The following COL14A1 variants were observed in gnomAD, a reference collection of about 807,000 sequenced individuals.
The protein encoded by COL14A1 is collagen alpha-1(XIV) chain.
In COL14A1, 136 loss-of-function variants were observed where a neutral mutation model predicts 230.3. That is an observed-to-expected ratio of 0.59 (90% CI 0.51 to 0.68). The LOEUF (loss-of-function observed/expected upper bound fraction) is 0.68. Among genes scored for constraint, COL14A1 ranks in the 30% least tolerant of loss-of-function variants. The pLI, the probability that COL14A1 is intolerant of heterozygous loss-of-function variation, is 0.00. For synonymous variants in COL14A1, 792 were observed against 784.1 expected, an observed-to-expected ratio of 1.01 and a Z score of -0.17; for missense variants, 1,976 against 2,215.8, an observed-to-expected ratio of 0.89 and a Z score of 2.17.
rs182035194 is a variant in COL14A1 at position 120,310,047 on chromosome 8, T to A, written c.4440T>A (p.Gly1480=). ...TCCGAGGACCAAAGGGCCAGCAAGG[T>A]GAACCGGGTCCAAAGGTAATGCGCA... ...PGLRGPKGQQ[G]EPGPKGPDGP... Residue 1480 remains glycine, a synonymous_variant, in exon 37 of 48, where the codon GGT becomes GGA. Transcript: ENST00000297848. The A allele has an allele frequency of 3.1e-6, 5 of 1,613,434 alleles. No individual in the cohort carries two copies. In the South Asian group the frequency reaches 5.5e-5, roughly 18 times the overall value.
chr8:120,164,780 A>G (rs915656177), intron 4 of COL14A1, among the ~76,000 whole-genome samples: 1 of 152,216 alleles, frequency 6.6e-6, no homozygotes, highest in African/African-American at 2.4e-5. Context: ...TCTGGCCTCC[A>G]ACATTCCTGC....
intron 26 of COL14A1, among the ~76,000 whole-genome samples, chr8:120,273,052 G>A (rs1185751592): frequency 6.6e-6 from 1 of 151,614 alleles, no homozygotes; most frequent in Non-Finnish European, 1.5e-5. Flanking sequence ...CACAAAACAA[G>A]TCTCAATAAA....
chr8:120,332,165 T>C lies in COL14A1; in HGVS notation c.4684T>C (p.Ser1562Pro). ...QRGLPGKDGS[S>P]GPPGPPGPIG... ...GGGCCTTCCGGGAAAGGATGGATCC[T>C]CGGGACCTCCAGGACCACCAGGGCC... The change falls in exon 41 of 48, where the codon TCG becomes CCG. Residue 1562 changes from serine to proline, a missense_variant. Ser to Pro is a moderately conservative substitution (Grantham distance 74). This residue lies in a region of COL14A1 where 1,791 missense variants were observed against 2,019.5 expected (regional missense o/e 0.89). Transcript: ENST00000297848. 6.2e-7 allele frequency: 1 copy of C among 1,614,100 alleles called. No homozygotes were observed. The highest frequency in any genetic ancestry group is 8.5e-7 in the Non-Finnish European group (1 of 1,179,980).
At chr8:120,225,571 T>C (rs926940993) in intron 15 of COL14A1, among the ~76,000 whole-genome samples, 7 of 152,174 alleles carry the variant, frequency 4.6e-5, no homozygotes, top group Non-Finnish European at 8.8e-5. Context: ...TTTCCAAAAT[T>C]GCTGATCTCC....
At chr8:120,179,464 T>C (rs2130632122) in intron 5 of COL14A1, among the ~76,000 whole-genome samples, 1 of 152,228 alleles carries the variant, frequency 6.6e-6, no homozygotes, top group East Asian at 1.9e-4. Context: ...ATAAAATACT[T>C]AGGAATACAA....
chr8:120,278,734 C>T (rs1215010083), intron 28 of COL14A1, among the ~76,000 whole-genome samples, 156 bp downstream of exon 28: 1 of 152,028 alleles, frequency 6.6e-6, no homozygotes, highest in East Asian at 1.9e-4. Flanking sequence ...TTCTGGTATA[C>T]AAATCTGTAA....
intron 3 of COL14A1, among the ~76,000 whole-genome samples, chr8:120,160,487 C>T (rs376689047): frequency 2.0e-5 from 3 of 152,166 alleles, no homozygotes; most frequent in Non-Finnish European, 1.5e-5. Flanking sequence ...CTGAATGCTT[C>T]AATCCTCTCT....
intron 19 of COL14A1, among the ~76,000 whole-genome samples, chr8:120,238,436 C>G (rs1367614206): frequency 6.6e-6 from 1 of 152,108 alleles, no homozygotes; most frequent in East Asian, 1.9e-4. Context: ...TCAAGCCTTA[C>G]TAATGGCGGA....
In COL14A1 at chr8:120,370,878, T is replaced by C. The variant is rs190695914; in HGVS notation, c.5312-274T>C. ...CTATTTCTTTTATAATTTTGCTGAG[T>C]TTTCAGGGTTTCTTCTGTAAATAAA... On this transcript the variant is annotated intron_variant, in intron 47 of 47. Coordinates refer to ENST00000297848, the MANE Select transcript of COL14A1 (RefSeq NM_021110.4). 29 of 1,293,752 alleles carry C rather than the reference T, an allele frequency of 2.2e-5. 1 individual carries two copies. The Admixed American group carries it at 7.4e-4, about 33-fold the overall frequency. 80.1% of individuals were successfully genotyped at this position (1,293,752 alleles called of 1,614,324 possible). A position where few individuals can be genotyped will look rare whatever the true frequency, so the allele number is the denominator to read the frequency against.
At chr8:120,251,402 A>G (rs1818944764) in intron 22 of COL14A1, among the ~76,000 whole-genome samples, 1 of 152,166 alleles carries the variant, frequency 6.6e-6, no homozygotes, top group East Asian at 1.9e-4. Flanking sequence ...CTTTTCTCAG[A>G]GGGGTCACTC....
At chr8:120,328,384 C>G (rs1417540629) in intron 40 of COL14A1, among the ~76,000 whole-genome samples, 1 of 140,452 alleles carries the variant, frequency 7.1e-6, no homozygotes, top group African/African-American at 2.7e-5. Flanking sequence ...CCAGGCAGAG[C>G]AATTTTTTTT....
chr8:120,355,023 A>C (rs190204093), intron 45 of COL14A1, among the ~76,000 whole-genome samples: 1 of 152,214 alleles, frequency 6.6e-6, no homozygotes, highest in Non-Finnish European at 1.5e-5. Flanking sequence ...TTATCCTAAA[A>C]TTCAGAAGAG....
chr8:120,338,790 G>C (rs974868556), intron 42 of COL14A1, among the ~76,000 whole-genome samples: 2 of 152,100 alleles, frequency 1.3e-5, no homozygotes, highest in Admixed American at 1.3e-4. Flanking sequence ...ATTATTTGCT[G>C]ATTTTTTTGT....
At chr8:120,248,716 C>A (rs1187615670) in intron 21 of COL14A1, among the ~76,000 whole-genome samples, 2 of 151,844 alleles carry the variant, frequency 1.3e-5, no homozygotes, top group Non-Finnish European at 2.9e-5. Flanking sequence ...ATTAGCCAGG[C>A]ATGGTGGCAT....
rs1327650051 is a variant in COL14A1, at chr8:120,203,769, A to C, written c.938A>C (p.His313Pro). The change falls in exon 9 of 48, where the codon CAT becomes CCT. Residue 313 changes from histidine to proline, a missense_variant. Physicochemically the swap from His to Pro is moderately conservative, Grantham distance 77. Coordinates refer to ENST00000297848, the MANE Select transcript of COL14A1 (RefSeq NM_021110.4). Reference sequence around the variant, plus strand: ...ATCGCCTCTGAACCAGACAGCACTCATGTGTACAATGTTGCCGAATTCGAT... The same window carrying C: ...ATCGCCTCTGAACCAGACAGCACTCCTGTGTACAATGTTGCCGAATTCGAT... ...QEIASEPDST[H>P]VYNVAEFDLM... 6.2e-7 allele frequency: 1 copy of C among 1,613,838 alleles called. No individual in the cohort carries two copies. The highest frequency in any genetic ancestry group is 8.5e-7 in the Non-Finnish European group (1 of 1,179,922).
At chr8:120,165,014 T>A (rs1815815138) in intron 4 of COL14A1, among the ~76,000 whole-genome samples, 1 of 152,238 alleles carries the variant, frequency 6.6e-6, no homozygotes. Flanking sequence ...TTAACTCTGC[T>A]AAGATAGCTG....
In COL14A1 at chr8:120,203,735, C is replaced by T. The variant is rs61754508; in HGVS notation, c.904C>T (p.Leu302=). The change falls in exon 9 of 48, where the codon CTG becomes TTG. Residue 302 remains leucine (L), a synonymous_variant. Transcript: ENST00000297848. ...GGTGAAAAACGCGGATGTGAATGAG[C>T]TGCAGGAGATCGCCTCTGAACCAGA... ...IGVKNADVNE[L]QEIASEPDST... is the part of the protein sequence containing the mutation. The T allele has an allele frequency of 2.6e-3, 4,204 of 1,613,788 alleles. 35 individuals carry two copies. Among genetic ancestry groups the T allele is most frequent in the African/African-American group, 0.017 (1,277 of 74,992 alleles).
At chr8:120,125,450 T>C (rs1489863616) in intron 1 of COL14A1, 110 bp downstream of exon 1, 1 of 152,378 alleles carries the variant, frequency 6.6e-6, no homozygotes, top group Admixed American at 6.5e-5. Context: ...TTCCATGGAC[T>C]TTCTTTTCAC....
chr8:120,345,449 C>T lies in COL14A1; in HGVS notation c.4963C>T (p.Pro1655Ser). The T allele has an allele frequency of 6.2e-7, 1 of 1,603,382 alleles. No individual in the cohort carries two copies. The highest frequency in any genetic ancestry group is 2.3e-5 in the East Asian group (1 of 43,718). Residue 1655 changes from proline (P) to serine (S), a missense_variant, in exon 45 of 48, where the codon CCT (proline) becomes TCT (serine). By Grantham distance (74) the Pro-to-Ser change is moderately conservative. Coordinates refer to ENST00000297848, the MANE Select transcript of COL14A1 (RefSeq NM_021110.4). ...CTCATCCATCCGGACTGTCCAAGGG[C>T]CTCCTGGGGAGCCTGGGAGGCCAGG... ...HSSSIRTVQG[P>S]PGEPGRPGSP...
Sources: allele counts gnomAD v4.1 joint callset (sites outside exome capture counted in the v4.1 genomes callset), GRCh38; gene constraint gnomAD v4.1.1; regional missense constraint gnomAD v4.1.1; transcripts MANE v1.5; gene names NCBI Gene and HGNC (gene_info 2026-07-23, HGNC 2026-07-21).